Variants in GRIN2A observed in about 807,000 individuals in gnomAD.
GRIN2A encodes the protein glutamate receptor ionotropic, NMDA 2A.
Under a neutral mutation model 113.4 loss-of-function variants are expected in GRIN2A, and 22 were observed. That is an observed-to-expected ratio of 0.19 (90% CI 0.14 to 0.28). The LOEUF is 0.28. Among genes scored for constraint, GRIN2A ranks in the 10% least tolerant of loss-of-function variants. GRIN2A has a pLI of 1.00. For synonymous variants in GRIN2A, 827 were observed against 738.4 expected (o/e 1.12, Z -1.94); for missense variants, 1,502 against 1,887.0 (o/e 0.80, Z 3.78).
intron 4 of GRIN2A, among the ~76,000 whole-genome samples, chr16:9,882,862 G>A (rs895138229): frequency 1.3e-5 from 2 of 152,196 alleles, no homozygotes; most frequent in African/African-American, 4.8e-5. Flanking sequence ...CTGGTTTCAG[G>A]TAGAATCAAT....
At chr16:9,819,781 T>A (rs868117321) in intron 10 of GRIN2A, among the ~76,000 whole-genome samples, 1 of 151,986 alleles carries the variant, frequency 6.6e-6, no homozygotes, top group Admixed American at 6.6e-5. Flanking sequence ...CTAGTCAACA[T>A]GGTGAAACCC....
chr16:9,914,096 TAA>T (rs61449281), intron 3 of GRIN2A, among the ~76,000 whole-genome samples: 50 of 141,564 alleles, frequency 3.5e-4, no homozygotes, highest in Admixed American at 3.5e-4. Context: ...CATTCTTGGT[TAA>T]AAAAAAAAAA....
intron 2 of GRIN2A, chr16:10,111,622 G>T: frequency 7.2e-7 from 1 of 1,389,002 alleles, no homozygotes; most frequent in Non-Finnish European, 1.0e-6. Context: ...CATGGCCATC[G>T]CGATGGCTCT....
At chr16:9,972,247 T>G (rs867325423) in intron 2 of GRIN2A, among the ~76,000 whole-genome samples, 2 of 152,154 alleles carry the variant, frequency 1.3e-5, no homozygotes, top group Admixed American at 6.5e-5. Context: ...TATAACCAGG[T>G]TAGTTACCTG....
At chr16:10,131,466 A>T (rs907343948) in intron 2 of GRIN2A, among the ~76,000 whole-genome samples, 6 of 127,106 alleles carry the variant, frequency 4.7e-5, no homozygotes, top group Admixed American at 4.5e-4. Context: ...CTCACCACTT[A>T]TCCCATTTTT....
chr16:9,999,541 A>G (rs753645514), intron 2 of GRIN2A, among the ~76,000 whole-genome samples: 1 of 152,134 alleles, frequency 6.6e-6, no homozygotes, highest in Admixed American at 6.6e-5. Flanking sequence ...GAGTTGAACA[A>G]TTAGAACACA....
At chr16:10,096,221 G>C (rs1449111627) in intron 2 of GRIN2A, among the ~76,000 whole-genome samples, 1 of 152,046 alleles carries the variant, frequency 6.6e-6, no homozygotes, top group Admixed American at 6.5e-5. Flanking sequence ...GTGCCTCCTA[G>C]GTTGACAGCC....
chr16:9,757,750 C>A lies in GRIN2A; in HGVS notation c.*5399G>T, dbSNP rs1900413872. ...TAAACAATATCCCTGTTGATTTTTC[C>A]TAAGGAGACGGTCTCTGAGAAAAGT... On this transcript the variant is annotated 3_prime_UTR_variant, in exon 13 of 13. Transcript: ENST00000330684. 3 of 217,184 alleles carry A rather than the reference C, an allele frequency of 1.4e-5. No individual in the cohort carries two copies. Among genetic ancestry groups the A allele is most frequent in the Non-Finnish European group, 2.8e-5 (3 of 107,946 alleles). The allele number at this position is 217,184 out of a possible 1,614,324, so 13.5% of individuals were successfully genotyped here.
intron 2 of GRIN2A, among the ~76,000 whole-genome samples, chr16:10,003,346 G>C (rs1178557409): frequency 6.6e-6 from 1 of 152,086 alleles, no homozygotes; most frequent in Admixed American, 6.5e-5. Flanking sequence ...AAGGATTCCA[G>C]ATAAGATATC....
intron 11 of GRIN2A, among the ~76,000 whole-genome samples, chr16:9,787,763 A>G (rs570812165): frequency 2.0e-5 from 3 of 152,344 alleles, no homozygotes; most frequent in African/African-American, 7.2e-5. Flanking sequence ...ATGTGGAGAA[A>G]TGGAAAACTG....
intron 3 of GRIN2A, among the ~76,000 whole-genome samples, chr16:9,908,847 G>A (rs1052315058): frequency 5.3e-5 from 8 of 152,182 alleles, no homozygotes; most frequent in South Asian, 2.1e-4. Flanking sequence ...GCACCACACC[G>A]TGGCCTGGCA....
intron 2 of GRIN2A, among the ~76,000 whole-genome samples, chr16:10,018,517 C>G (rs1276464003): frequency 6.6e-6 from 1 of 152,126 alleles, no homozygotes; most frequent in Non-Finnish European, 1.5e-5. Flanking sequence ...CTAGCCTGAC[C>G]TTCTTATAGA....
chr16:9,854,081 G>A (rs1410679578), intron 4 of GRIN2A, among the ~76,000 whole-genome samples: 2 of 152,048 alleles, frequency 1.3e-5, no homozygotes, highest in Non-Finnish European at 2.9e-5. Context: ...TTCTAACTCA[G>A]GGCATGCCAC....
intron 10 of GRIN2A, among the ~76,000 whole-genome samples, chr16:9,804,485 A>C (rs747980874): frequency 2.6e-5 from 4 of 152,038 alleles, no homozygotes; most frequent in Admixed American, 6.6e-5. Context: ...CCACATTCTC[A>C]GTTCCTACCC....
At chr16:9,783,326 G>A (rs923693275) in intron 11 of GRIN2A, among the ~76,000 whole-genome samples, 3 of 152,208 alleles carry the variant, frequency 2.0e-5, no homozygotes, top group Admixed American at 1.3e-4. Context: ...TTCCAGATCC[G>A]ATTTAATCGA....
chr16:9,911,351 T>A (rs1018324153), intron 3 of GRIN2A, among the ~76,000 whole-genome samples: 2 of 152,116 alleles, frequency 1.3e-5, no homozygotes, highest in African/African-American at 4.8e-5. Flanking sequence ...GGTCATAAAA[T>A]GAATGAAAGG....
At chr16:9,814,353 G>C (rs575602263) in intron 10 of GRIN2A, among the ~76,000 whole-genome samples, 36 of 152,264 alleles carry the variant, frequency 2.4e-4, no homozygotes, top group Non-Finnish European at 4.3e-4. Flanking sequence ...GGTTAACATT[G>C]TTGAGCTTCA....
intron 5 of GRIN2A, among the ~76,000 whole-genome samples, chr16:9,844,148 T>A (rs891094750): frequency 1.3e-5 from 2 of 152,176 alleles, no homozygotes; most frequent in African/African-American, 4.8e-5. Flanking sequence ...AAGTTTTAGG[T>A]GCCCCAGGTT....
rs570394823 is a variant in GRIN2A at position 10,138,058 on chromosome 16, C to T, written c.414+41940G>A. ...ATGAGACTCTGACCATATGAATCCA[C>T]TCCTAGACCCTAGTTCTGTCATCAC... On this transcript the variant is annotated intron_variant, in intron 2 of 12. Transcript: ENST00000330684. Among the ~76,000 whole-genome samples the T allele has an allele frequency of 5.3e-5, 8 of 152,332 alleles. No homozygotes were observed. The South Asian group carries it at 1.7e-3, about 32-fold the overall frequency.
Sources: allele counts gnomAD v4.1 joint callset (sites outside exome capture counted in the v4.1 genomes callset), GRCh38; gene constraint gnomAD v4.1.1; transcripts MANE v1.5; gene names NCBI Gene and HGNC (gene_info 2026-07-23, HGNC 2026-07-21).